Variants in PLXNB2 observed in about 807,000 individuals in gnomAD.
PLXNB2 encodes the protein plexin B2.
PLXNB2 carries 85 observed loss-of-function variants against 202.6 expected under a neutral mutation model. The observed-to-expected ratio is 0.42, with a 90% CI of 0.35 to 0.50. PLXNB2 has a LOEUF of 0.50. Among genes scored for constraint, PLXNB2 ranks in the 20% least tolerant of loss-of-function variants. PLXNB2 has a pLI of 0.02. For synonymous variants in PLXNB2, 1,239 were observed against 1,137.6 expected (o/e 1.09, Z -1.79); for missense variants, 2,063 against 2,586.2 (o/e 0.80, Z 4.39).
rs1569172066 is a variant in PLXNB2, at chr22:50,288,732, G to A, written c.1380+11C>T. 8 of 1,612,434 alleles carry A rather than the reference G, an allele frequency of 5.0e-6. No homozygotes were observed. The highest frequency in any genetic ancestry group is 1.3e-5 in the African/African-American group (1 of 74,918). ...GGCCTAGAGTGCTCTCCGGGGCTGC[G>A]TCTGGCTCACCTTGTCCTGGGTCAT... On this transcript the variant is annotated intron_variant, in intron 5 of 36. Coordinates refer to ENST00000359337, the MANE Select transcript of PLXNB2 (RefSeq NM_012401.4). The surrounding 1 kb of genome is among the most constrained non-coding windows in gnomAD (Gnocchi z 5.0).
chr22:50,281,022 C>G (rs763959029), intron 23 of PLXNB2, 49 bp from the exon 24 acceptor site: 14 of 1,600,584 alleles, frequency 8.7e-6, no homozygotes, highest in Non-Finnish European at 1.0e-5. Context: ...GGGCCCTGAC[C>G]CCCACGCTAC....
At position 50,283,180 on chromosome 22, in the gene PLXNB2, T is replaced by G. The variant is rs769690739; in HGVS notation, c.2686A>C (p.Lys896Gln). 4.4e-6 allele frequency: 7 copies of G among 1,599,152 alleles called. No homozygotes were observed. ...PNVQFTFQQPKPLSVEPQQGP... is the reference protein window; with the variant it reads ...PNVQFTFQQPQPLSVEPQQGP... ...TGCTGCGGCTCCACACTGAGAGGCT[T>G]GGGCTGCTGAAAGAGCCGCAGGGGC... The change falls in exon 17 of 37, where the codon AAG becomes CAG. Residue 896 changes from lysine to glutamine, a missense_variant. Lys to Gln is a moderately conservative substitution (Grantham distance 53). Coordinates refer to ENST00000359337, the MANE Select transcript of PLXNB2 (RefSeq NM_012401.4).
rs1281407079 is a variant in PLXNB2 at position 50,282,820 on chromosome 22, G to C, written c.2878C>G (p.Leu960Val). Residue 960 changes from leucine to valine, a missense_variant, in exon 18 of 37, where the codon CTT becomes GTT. Physicochemically the swap from Leu to Val is conservative, Grantham distance 32. This residue lies in a region of PLXNB2 where 1,303 missense variants were observed against 1,476.8 expected (regional missense o/e 0.88). Transcript: ENST00000359337. ...GACCCCCCGTAGGAGACCTCCAGAA[G>C]CATCTGGCCCCGTGTCGCCTGGGGG... ...TGPQATRGQM[L>V]LEVSYGGSPV... The C allele has an allele frequency of 6.2e-7, 1 of 1,613,118 alleles. No individual in the cohort carries two copies. The highest frequency in any genetic ancestry group is 8.5e-7 in the Non-Finnish European group (1 of 1,179,726).
At chr22:50,278,767 G>A (rs2065786105) in intron 28 of PLXNB2, 71 bp from the exon 29 acceptor site, 13 of 1,586,068 alleles carry the variant, frequency 8.2e-6, no homozygotes, top group South Asian at 1.1e-5. Context: ...ACTCCCATAT[G>A]AGAAAGCTGG....
chr22:50,286,688 A>G (rs2066479460), intron 8 of PLXNB2, among the ~76,000 whole-genome samples: 1 of 152,022 alleles, frequency 6.6e-6, no homozygotes, highest in Non-Finnish European at 1.5e-5. Flanking sequence ...CTGCCCCCAA[A>G]ACTCAGGGGA....
At chr22:50,293,955 C>T (rs143158163) in intron 2 of PLXNB2, among the ~76,000 whole-genome samples, 37 of 152,364 alleles carry the variant, frequency 2.4e-4, no homozygotes, top group African/African-American at 8.4e-4. Context: ...GGGTGGCAGG[C>T]GCGGCTGGGG....
In PLXNB2 at chr22:50,284,957, C is replaced by T. The variant is rs751954682; in HGVS notation, c.2089-292G>A. 7.0e-5 allele frequency: 38 copies of T among 544,534 alleles called. No homozygotes were observed. Among genetic ancestry groups the T allele is most frequent in the Non-Finnish European group, 1.2e-4 (32 of 276,962 alleles). The allele number at this position is 544,534 out of a possible 1,614,324, so 33.7% of individuals were successfully genotyped here. On this transcript the variant is annotated intron_variant, in intron 11 of 36. Coordinates refer to ENST00000359337, the MANE Select transcript of PLXNB2 (RefSeq NM_012401.4). This position sits in a 1 kb window ranked among gnomAD's most constrained non-coding sequence, Gnocchi z 8.0. Reference sequence around the variant, plus strand: ...CCACCTGACATCGTGGCCCCCACAGCTCCCTCCTCAGGAGGTGGCACTGGC... The same window carrying T: ...CCACCTGACATCGTGGCCCCCACAGTTCCCTCCTCAGGAGGTGGCACTGGC...
chr22:50,281,995 G>A lies in PLXNB2; in HGVS notation c.3204C>T (p.Asn1068=), dbSNP rs1016197141. The change falls in exon 20 of 37, where the codon AAC becomes AAT. Residue 1068 remains asparagine, a synonymous_variant. Transcript: ENST00000359337. ...PAVPEEPEAY[N]LTVLIEMDGH... Reference sequence around the variant, plus strand: ...CGTCCATCTCGATCAGCACCGTGAGGTTGTAGGCCTCTGGCTCCTCAGGCA... The same window carrying A: ...CGTCCATCTCGATCAGCACCGTGAGATTGTAGGCCTCTGGCTCCTCAGGCA... The A allele has an allele frequency of 1.2e-6, 2 of 1,612,900 alleles. No homozygotes were observed. Among genetic ancestry groups the A allele is most frequent in the East Asian group, 2.2e-5 (1 of 44,898 alleles).
chr22:50,280,789 G>A lies in PLXNB2; in HGVS notation c.3948C>T (p.Leu1316=). Residue 1316 remains leucine (L), a synonymous_variant, in exon 24 of 37, where the codon CTC becomes CTT. Coordinates refer to ENST00000359337, the MANE Select transcript of PLXNB2 (RefSeq NM_012401.4). ...TGTTCAGCAGGTTGGAGAACTGGTA[G>A]AGGGCCTGCTCCACCACCGGCCGCC... ...EPRRPVVEQA[L]YQFSNLLNSK... is the part of the protein sequence containing the mutation. 6.2e-7 allele frequency: 1 copy of A among 1,612,932 alleles called. No homozygotes were observed. The highest frequency in any genetic ancestry group is 2.2e-5 in the East Asian group (1 of 44,854).
rs2066836619 is a variant in PLXNB2 at position 50,291,052 on chromosome 22, G to T, written c.-13-455C>A. Among the ~76,000 whole-genome samples, 1 of 152,220 alleles carries T rather than the reference G, an allele frequency of 6.6e-6. No individual in the cohort carries two copies. The highest frequency in any genetic ancestry group is 2.4e-5 in the African/African-American group (1 of 41,446). ...AGACCCCTGGACGTTGGAACAGGTG[G>T]CTCACCCATGGGGCAGAGGTGAAGG... On this transcript the variant is annotated intron_variant, in intron 2 of 36. Coordinates refer to ENST00000359337, the MANE Select transcript of PLXNB2 (RefSeq NM_012401.4). This position sits in a 1 kb window ranked among gnomAD's most constrained non-coding sequence, Gnocchi z 4.3.
chr22:50,299,307 G>A (rs1296668382), intron 1 of PLXNB2, among the ~76,000 whole-genome samples: 1 of 139,072 alleles, frequency 7.2e-6, no homozygotes, highest in Non-Finnish European at 1.6e-5. Context: ...GGGTGGGGGG[G>A]GGGCCCGGTG....
intron 1 of PLXNB2, among the ~76,000 whole-genome samples, chr22:50,298,936 A>G (rs781522944): frequency 6.6e-6 from 1 of 152,204 alleles, no homozygotes; most frequent in Non-Finnish European, 1.5e-5. Context: ...GTGAGCCACC[A>G]CACCCAGCCA....
rs781292997 is a variant in PLXNB2 at position 50,283,937 on chromosome 22, C to T, written c.2317G>A (p.Ala773Thr). The T allele has an allele frequency of 3.0e-5, 47 of 1,562,460 alleles. No individual in the cohort carries two copies. Among genetic ancestry groups the T allele is most frequent in the African/African-American group, 5.4e-5 (4 of 73,868 alleles). The change falls in exon 14 of 37, where the codon GCT (alanine) becomes ACT (threonine). Residue 773 changes from alanine to threonine, a missense_variant. This residue lies in a region of PLXNB2 where 1,303 missense variants were observed against 1,476.8 expected (regional missense o/e 0.88). Coordinates refer to ENST00000359337, the MANE Select transcript of PLXNB2 (RefSeq NM_012401.4). ...GRSDCSLCRA[A>T]NPDYRCAWCG... ...CACGCACACCTGTAGTCGGGGTTAG[C>T]GGCCCGGCACAGGCTGCAGTCGCTG...
At position 50,288,801 on chromosome 22, in the gene PLXNB2, T is replaced by C. The variant is rs1371194693; in HGVS notation, c.1322A>G (p.Lys441Arg). 1.2e-6 allele frequency: 2 copies of C among 1,613,242 alleles called. No individual in the cohort carries two copies. Among genetic ancestry groups the C allele is most frequent in the South Asian group, 1.1e-5 (1 of 91,086 alleles). Reference sequence around the variant, plus strand: ...GTCTCCAGACAGTACCAGGTCGCGCTTGACTCTCTTGTTTATCTCCACAAG... The same window carrying C: ...GTCTCCAGACAGTACCAGGTCGCGCCTGACTCTCTTGTTTATCTCCACAAG... ...SILVEINKRV[K>R]RDLVLSGDLG... is the part of the protein sequence containing the mutation. Residue 441 changes from lysine (K) to arginine (R), a missense_variant, in exon 5 of 37, where the codon AAG becomes AGG. Physicochemically the swap from Lys to Arg is conservative, Grantham distance 26. Coordinates refer to ENST00000359337, the MANE Select transcript of PLXNB2 (RefSeq NM_012401.4). The surrounding 1 kb of genome is among the most constrained non-coding windows in gnomAD (Gnocchi z 5.0).
intron 2 of PLXNB2, among the ~76,000 whole-genome samples, chr22:50,292,017 G>C (rs1337792157): frequency 6.6e-6 from 1 of 152,160 alleles, no homozygotes; most frequent in East Asian, 1.9e-4. Flanking sequence ...TCATCCCCTC[G>C]AAACGCAATC....
At chr22:50,302,366 G>A (rs1472341972) in intron 1 of PLXNB2, among the ~76,000 whole-genome samples, 4 of 152,200 alleles carry the variant, frequency 2.6e-5, no homozygotes, top group Admixed American at 1.3e-4. Flanking sequence ...GGTGATGCCC[G>A]TGGCTGGAGC....
In PLXNB2 at chr22:50,287,331, C is replaced by T. The variant is rs1192225490; in HGVS notation, c.1609-67G>A. ...CCTGTCAGCCCACCTGCCGGTGACC[C>T]GACCTCCCTGCGTGTGTGGGCGCAC... On this transcript the variant is annotated intron_variant, in intron 7 of 36. Transcript: ENST00000359337. The T allele has an allele frequency of 8.3e-6, 12 of 1,438,970 alleles. No homozygotes were observed. The East Asian group carries it at 1.0e-4, about 12-fold the overall frequency. The allele number at this position is 1,438,970 out of a possible 1,614,324, so 89.1% of individuals were successfully genotyped here.
intron 1 of PLXNB2, among the ~76,000 whole-genome samples, chr22:50,299,728 C>G (rs972420798): frequency 6.6e-6 from 1 of 152,134 alleles, no homozygotes; most frequent in Admixed American, 6.5e-5. Context: ...AGGGCGAGAC[C>G]GGCGGCCCCG....
At chr22:50,290,660 C>T (rs1157350964) in intron 2 of PLXNB2, 63 bp from the exon 3 acceptor site, 10 of 1,447,222 alleles carry the variant, frequency 6.9e-6, no homozygotes, top group Admixed American at 2.5e-5. Context: ...AAATCCCTCT[C>T]CAGTCCCTGC....
Sources: gnomAD v4.1 joint callset for allele counts (sites outside exome capture counted in the v4.1 genomes callset) on GRCh38, gnomAD v4.1.1 for gene constraint, gnomAD v4.1.1 regional missense constraint, Gnocchi (gnomAD v3.1) non-coding constraint, MANE v1.5 for transcripts, NCBI Gene and HGNC (gene_info 2026-07-23, HGNC 2026-07-21) for gene names.